WDFY4: variants seen among roughly 807,000 people sequenced by gnomAD.
WDFY4 encodes WD repeat- and FYVE domain-containing protein 4.
WDFY4 carries 169 observed loss-of-function variants against 351.9 expected under a neutral mutation model. The ratio of observed to expected loss-of-function variants is 0.48; its 90% confidence interval spans 0.42 to 0.55. The LOEUF is 0.55. Ranked by LOEUF, WDFY4 falls within the 20% of genes least tolerant of loss-of-function variation. The pLI is 0.00. For missense variants in WDFY4, 3,803 were observed against 3,935.6 expected (o/e 0.97, Z 0.90); for synonymous variants, 1,622 against 1,574.6 (o/e 1.03, Z -0.71).
At chr10:48,782,232 G>C (rs2066251001) in intron 19 of WDFY4, among the ~76,000 whole-genome samples, 1 of 152,188 alleles carries the variant, frequency 6.6e-6, no homozygotes, top group South Asian at 2.1e-4. Context: ...GTTTTTATCT[G>C]TTTAGGCTCA....
At chr10:48,727,444 G>A (rs1319800831) in intron 6 of WDFY4, 26 bp from the exon 7 acceptor site, 3 of 1,547,982 alleles carry the variant, frequency 1.9e-6, no homozygotes, top group African/African-American at 2.7e-5. Flanking sequence ...AGCTCAGCAG[G>A]TCTCTCCTGT....
intron 13 of WDFY4, among the ~76,000 whole-genome samples, chr10:48,764,999 A>G (rs896888464): frequency 6.6e-6 from 1 of 152,238 alleles, no homozygotes; most frequent in Admixed American, 6.5e-5. Flanking sequence ...AGGAAAGAGA[A>G]GCTCAGACAC....
In WDFY4 at chr10:48,861,341, G is replaced by T. The variant is rs530502547; in HGVS notation, c.6664-5924G>T. 3.3e-5 allele frequency among the ~76,000 whole-genome samples: 5 copies of T among 152,034 alleles called. No homozygotes were observed. The East Asian group carries it at 9.7e-4, about 29-fold the overall frequency. ...TTCCTTCTTTTATCATTTACCTTCTGTTTAAAGAGCTTCCTTTAACTATTC... is the reference window on the plus strand; with the variant it reads ...TTCCTTCTTTTATCATTTACCTTCTTTTTAAAGAGCTTCCTTTAACTATTC... On this transcript the variant is annotated intron_variant, in intron 39 of 61. Transcript: ENST00000325239.
chr10:48,696,137 C>A lies in WDFY4; in HGVS notation c.-18+11136C>A, dbSNP rs546722119. 3.3e-4 allele frequency among the ~76,000 whole-genome samples: 50 copies of A among 152,342 alleles called. No individual in the cohort carries two copies. The South Asian group carries it at 7.5e-3, about 23-fold the overall frequency. On this transcript the variant is annotated intron_variant, in intron 1 of 61. Coordinates refer to ENST00000325239, the MANE Select transcript of WDFY4 (RefSeq NM_001394531.1). ...TTTGAAGCAGGTGTAGGGCCCTGGG[C>A]CCTGCCATTCTCTGCCAGCAGGCAC... is the stretch of plus-strand genomic sequence containing the variant.
At chr10:48,848,281 G>A (rs1343336219) in intron 39 of WDFY4, among the ~76,000 whole-genome samples, 1 of 152,118 alleles carries the variant, frequency 6.6e-6, no homozygotes, top group Non-Finnish European at 1.5e-5. Context: ...TTCATCTCCT[G>A]GTGTTCTCAT....
At chr10:48,734,171 C>T (rs2064565349) in intron 10 of WDFY4, 136 bp downstream of exon 10, 1 of 728,146 alleles carries the variant, frequency 1.4e-6, no homozygotes, top group Non-Finnish European at 2.3e-6. Flanking sequence ...ATGATCCTCT[C>T]TTGGCCGATG....
chr10:48,754,230 G>GTTTTTTTTTTTT (rs151074838), intron 12 of WDFY4, among the ~76,000 whole-genome samples: 3 of 140,984 alleles, frequency 2.1e-5, no homozygotes, highest in Non-Finnish European at 1.5e-5. Context: ...ATATTGGTAG[G>GTTTTTTTTTTTT]TTTTTTTTTT....
At chr10:48,885,474 C>A (rs894643416) in intron 43 of WDFY4, among the ~76,000 whole-genome samples, 1 of 152,146 alleles carries the variant, frequency 6.6e-6, no homozygotes, top group Admixed American at 6.6e-5. Context: ...CAAACAAGAG[C>A]AAAGGTATTG....
intron 2 of WDFY4, among the ~76,000 whole-genome samples, chr10:48,714,182 G>A (rs1027280173): frequency 2.0e-5 from 3 of 152,260 alleles, no homozygotes; most frequent in African/African-American, 7.2e-5. Context: ...CACCAGGGCA[G>A]TCTGCTGTAG....
At chr10:48,762,690 G>C (rs1467127132) in intron 13 of WDFY4, among the ~76,000 whole-genome samples, 2 of 152,232 alleles carry the variant, frequency 1.3e-5, no homozygotes, top group Admixed American at 6.5e-5. Context: ...CTTGGTTGAA[G>C]CTGTCAGTGG....
In WDFY4 at chr10:48,965,449, C is replaced by T. The variant is rs189150314; in HGVS notation, c.8437-1077C>T. Among the ~76,000 whole-genome samples, 291 of 152,362 alleles carry T rather than the reference C, an allele frequency of 1.9e-3. 1 individual carries two copies. Among genetic ancestry groups the T allele is most frequent in the Admixed American group, 3.7e-3 (57 of 15,304 alleles). On this transcript the variant is annotated intron_variant, in intron 54 of 61. Coordinates refer to ENST00000325239, the MANE Select transcript of WDFY4 (RefSeq NM_001394531.1). ...AAAGAAGAGTGCTCATTATTAAACACTCATTGAAAACTCATCATTTTGATT... is the reference window on the plus strand; with the variant it reads ...AAAGAAGAGTGCTCATTATTAAACATTCATTGAAAACTCATCATTTTGATT...
At chr10:48,838,507 C>A (rs548086847) in intron 39 of WDFY4, among the ~76,000 whole-genome samples, 7 of 151,798 alleles carry the variant, frequency 4.6e-5, no homozygotes, top group Admixed American at 3.9e-4. Flanking sequence ...CTGAGGTCCT[C>A]GGTGAGGGAA....
chr10:48,898,837 G>A (rs186303727), intron 45 of WDFY4, among the ~76,000 whole-genome samples: 10 of 152,274 alleles, frequency 6.6e-5, no homozygotes, highest in Non-Finnish European at 8.8e-5. Context: ...GTTCTGGGCA[G>A]TGCTGCTGGT....
intron 1 of WDFY4, among the ~76,000 whole-genome samples, chr10:48,693,863 C>A (rs2132101144): frequency 6.6e-6 from 1 of 152,286 alleles, no homozygotes; most frequent in East Asian, 1.9e-4. Context: ...TCCAGGTTGG[C>A]CTGGCACAGG....
intron 47 of WDFY4, chr10:48,932,543 G>A (rs2940708): frequency 0.78 from 118,169 of 152,030 alleles, 49,427 homozygotes; most frequent in East Asian, 1. Flanking sequence ...CTGTCCAACA[G>A]TTCCTACTGG....
At position 48,820,713 on chromosome 10, in the gene WDFY4, G is replaced by A. The variant is rs187592061; in HGVS notation, c.5709+276G>A. Reference sequence around the variant, plus strand: ...CAGGAGAAGCAGGGAGGGAAGCAGAGGGGCAGGAGGTGAAGCTAGCCCAGA... The same window carrying A: ...CAGGAGAAGCAGGGAGGGAAGCAGAAGGGCAGGAGGTGAAGCTAGCCCAGA... On this transcript the variant is annotated intron_variant, in intron 33 of 61. Transcript: ENST00000325239. Among the ~76,000 whole-genome samples the A allele has an allele frequency of 4.8e-3, 726 of 152,286 alleles. 3 individuals carry two copies. The highest frequency in any genetic ancestry group is 7.2e-3 in the Non-Finnish European group (491 of 68,014).
chr10:48,771,147 C>T (rs2132590261), intron 13 of WDFY4, among the ~76,000 whole-genome samples: 1 of 152,310 alleles, frequency 6.6e-6, no homozygotes, highest in South Asian at 2.1e-4. Flanking sequence ...GTGAGCCATC[C>T]AATTTTTAAA....
At chr10:48,778,980 G>T in intron 18 of WDFY4, 148 bp downstream of exon 18, 1 of 845,938 alleles carries the variant, frequency 1.2e-6, no homozygotes, top group Non-Finnish European at 1.8e-6. Context: ...TTCCATACCT[G>T]GTGAAAGGTC....
chr10:48,927,829 TGGATGTAC>T (rs1243463999), intron 47 of WDFY4, among the ~76,000 whole-genome samples: 8 of 152,354 alleles, frequency 5.3e-5, no homozygotes, highest in African/African-American at 1.9e-4. Flanking sequence ...TTTGTAATTC[TGGATGTAC>T]TCTGTTTTAA....
Sources: gnomAD v4.1 joint callset for allele counts (sites outside exome capture counted in the v4.1 genomes callset) on GRCh38, gnomAD v4.1.1 for gene constraint, MANE v1.5 for transcripts, NCBI Gene and HGNC (gene_info 2026-07-23, HGNC 2026-07-21) for gene names.